Variants in GALNTL6 observed in about 807,000 individuals in gnomAD.
GALNTL6 encodes polypeptide N-acetylgalactosaminyltransferase-like 6.
A neutral mutation model predicts 73.7 loss-of-function variants in GALNTL6; 46 were observed. The observed-to-expected ratio is 0.62, with a 90% CI of 0.49 to 0.80. The LOEUF is 0.80. Among genes scored for constraint, GALNTL6 ranks in the 30% least tolerant of loss-of-function variants. The pLI is 0.00. For synonymous variants in GALNTL6, 259 were observed against 263.7 expected, an observed-to-expected ratio of 0.98 and a Z score of 0.17; for missense variants, 604 against 755.0, an observed-to-expected ratio of 0.80 and a Z score of 2.34.
intron 5 of GALNTL6, among the ~76,000 whole-genome samples, chr4:172,421,079 T>C (rs1159813923): frequency 3.3e-5 from 5 of 151,946 alleles, no homozygotes. Flanking sequence ...TAGATGATGG[T>C]TTGACAGCAG....
intron 5 of GALNTL6, chr4:172,668,564 G>A (rs1731796849): frequency 1.3e-5 from 2 of 152,296 alleles, no homozygotes. Context: ...CACTCTGGCA[G>A]ACCTGTGGTG....
intron 2 of GALNTL6, among the ~76,000 whole-genome samples, chr4:172,119,073 TG>T (rs1436021988): frequency 6.6e-6 from 1 of 151,908 alleles, no homozygotes; most frequent in African/African-American, 2.4e-5. Flanking sequence ...AAGCATACAG[TG>T]GGTTGTGTAA....
At chr4:171,981,820 A>T (rs1739905371) in intron 2 of GALNTL6, among the ~76,000 whole-genome samples, 1 of 151,998 alleles carries the variant, frequency 6.6e-6, no homozygotes, top group African/African-American at 2.4e-5. Flanking sequence ...TGTTTAAAGG[A>T]AATTATTCTC....
chr4:172,089,110 A>G (rs1391844889), intron 2 of GALNTL6, among the ~76,000 whole-genome samples: 3 of 152,198 alleles, frequency 2.0e-5, no homozygotes, highest in Non-Finnish European at 1.5e-5. Context: ...CTGAGAATAG[A>G]CCAGTCCAAT....
intron 5 of GALNTL6, among the ~76,000 whole-genome samples, chr4:172,761,704 T>C (rs140870564): frequency 9.9e-5 from 15 of 152,234 alleles, no homozygotes; most frequent in African/African-American, 3.1e-4. Flanking sequence ...TCTTTCTCTC[T>C]CTCCTGCTCC....
Position 172,388,065 on chromosome 4 carries a change from G to A in GALNTL6, c.553+39376G>A, listed in dbSNP as rs139480736. Among the ~76,000 whole-genome samples the A allele has an allele frequency of 5.9e-5, 9 of 152,170 alleles. No individual in the cohort carries two copies. In the East Asian group the frequency reaches 1.3e-3, roughly 23 times the overall value. On this transcript the variant is annotated intron_variant, in intron 5 of 12. Coordinates refer to ENST00000506823, the MANE Select transcript of GALNTL6 (RefSeq NM_001034845.3). ...ATACGATCAAAATAGGCACCATTTT[G>A]ATGTGCTCTGTTTTTTACTTCTCCT...
chr4:171,956,645 A>G (rs1359610082), intron 2 of GALNTL6, among the ~76,000 whole-genome samples: 5 of 152,038 alleles, frequency 3.3e-5, no homozygotes, highest in Admixed American at 2.6e-4. Context: ...TCATTGTTTT[A>G]TTATCATTTT....
chr4:172,349,845 A>ATATT (rs145824678), intron 5 of GALNTL6, among the ~76,000 whole-genome samples: 8 of 94,292 alleles, frequency 8.5e-5, no homozygotes, highest in South Asian at 1.0e-3. Context: ...ATATATATAT[A>ATATT]TTTTTTTTAA....
intron 7 of GALNTL6, among the ~76,000 whole-genome samples, chr4:172,818,435 T>C (rs1339640346): frequency 6.6e-6 from 1 of 152,224 alleles, no homozygotes; most frequent in East Asian, 1.9e-4. Context: ...TCACAATTCC[T>C]TAAAGACTTC....
chr4:172,657,585 G>T (rs1228667456), intron 5 of GALNTL6, among the ~76,000 whole-genome samples: 1 of 152,274 alleles, frequency 6.6e-6, no homozygotes, highest in African/African-American at 2.4e-5. Context: ...CTTAGGAAAA[G>T]AACTGATTTT....
chr4:172,664,066 G>A (rs555341253), intron 5 of GALNTL6, among the ~76,000 whole-genome samples: 4 of 149,722 alleles, frequency 2.7e-5, no homozygotes, highest in Admixed American at 6.6e-5. Flanking sequence ...GAAGAATATC[G>A]GCTACATGGC....
intron 5 of GALNTL6, among the ~76,000 whole-genome samples, chr4:172,389,121 T>C (rs183616369): frequency 4.4e-4 from 67 of 152,158 alleles, no homozygotes; most frequent in Admixed American, 3.9e-3. Flanking sequence ...TGTGTTCACA[T>C]GAAATTCTTT....
chr4:172,854,489 G>C (rs1281283928), intron 7 of GALNTL6, among the ~76,000 whole-genome samples: 3 of 152,132 alleles, frequency 2.0e-5, no homozygotes, highest in Admixed American at 2.0e-4. Flanking sequence ...AGCCTTTTAT[G>C]TTTTTATAAG....
chr4:172,470,100 A>G (rs1732991131), intron 5 of GALNTL6, among the ~76,000 whole-genome samples: 1 of 152,204 alleles, frequency 6.6e-6, no homozygotes, highest in Admixed American at 6.5e-5. Flanking sequence ...GGTGTAGCAC[A>G]ATGCTAGGCA....
chr4:171,978,057 A>G (rs1244602283), intron 2 of GALNTL6, among the ~76,000 whole-genome samples: 1 of 152,158 alleles, frequency 6.6e-6, no homozygotes, highest in Non-Finnish European at 1.5e-5. Context: ...AACCGCCATT[A>G]CTAACACCAA....
intron 5 of GALNTL6, among the ~76,000 whole-genome samples, chr4:172,410,022 CAT>C (rs1470556860): frequency 6.6e-6 from 1 of 151,918 alleles, no homozygotes; most frequent in Non-Finnish European, 1.5e-5. Flanking sequence ...TCTACTTTTA[CAT>C]GTTATGCTAA....
chr4:172,067,817 G>A lies in GALNTL6; in HGVS notation c.139-161839G>A, dbSNP rs1202229741. ...TTAGCTGCTAAAGCAGTGCCTTCCT[G>A]ACCAAAGGTGAAAACAGAGCTTTCA... On this transcript the variant is annotated intron_variant, in intron 2 of 12. Coordinates refer to ENST00000506823, the MANE Select transcript of GALNTL6 (RefSeq NM_001034845.3). 1.8e-5 allele frequency among the ~76,000 whole-genome samples: 2 copies of A among 110,180 alleles called. 1 individual carries two copies. Among genetic ancestry groups the A allele is most frequent in the East Asian group, 4.2e-4 (2 of 4,738 alleles). 72.3% of individuals were successfully genotyped at this position (110,180 alleles called of 152,430 possible).
At chr4:171,906,855 A>G (rs1162786061) in intron 2 of GALNTL6, among the ~76,000 whole-genome samples, 1 of 152,224 alleles carries the variant, frequency 6.6e-6, no homozygotes, top group Non-Finnish European at 1.5e-5. Flanking sequence ...CAAATCAATA[A>G]ATGTAATCCA....
At chr4:172,455,552 G>A (rs1732364211) in intron 5 of GALNTL6, among the ~76,000 whole-genome samples, 1 of 152,176 alleles carries the variant, frequency 6.6e-6, no homozygotes, top group African/African-American at 2.4e-5. Context: ...TGAGGCTTGA[G>A]TAGGTGGTTT....
Sources: gnomAD v4.1 joint callset for allele counts (sites outside exome capture counted in the v4.1 genomes callset) on GRCh38, gnomAD v4.1.1 for gene constraint, MANE v1.5 for transcripts, NCBI Gene and HGNC (gene_info 2026-07-23, HGNC 2026-07-21) for gene names.